SLC12A7: variants seen among roughly 807,000 people sequenced by gnomAD.
SLC12A7 encodes K-Cl cotransporter 4.
SLC12A7 carries 100 observed loss-of-function variants against 120.6 expected under a neutral mutation model. The ratio of observed to expected loss-of-function variants is 0.83; its 90% CI spans 0.71 to 0.98. The LOEUF (loss-of-function observed/expected upper bound fraction) is 0.98. Among genes scored for constraint, SLC12A7 ranks in the 50% least tolerant of loss-of-function variants. The pLI is 0.00. For missense variants in SLC12A7, 1,373 were observed against 1,548.1 expected (o/e 0.89, Z 1.90); for synonymous variants, 760 against 678.0 (o/e 1.12, Z -1.88).
At chr5:1,153,227 C>T in the SLC12A7 span, among the ~76,000 whole-genome samples, 2 of 108,432 alleles carry the variant, frequency 1.8e-5, no homozygotes, top group African/African-American at 3.2e-5. Context: ...AGTCCCTGGG[C>T]GGTCCAGCCC....
rs1738375795 is a variant in SLC12A7 at position 1,076,621 on chromosome 5, A to G, written c.1748+73T>C. On this transcript the variant is annotated intron_variant, in intron 13 of 23. Coordinates refer to ENST00000264930, the MANE Select transcript of SLC12A7 (RefSeq NM_006598.3). Reference sequence around the variant, plus strand: ...CTGTCTACTGCTTGTCCTGAGCAGGACCTCCCATCCACACTGCCCCACGCT... The same window carrying G: ...CTGTCTACTGCTTGTCCTGAGCAGGGCCTCCCATCCACACTGCCCCACGCT... The G allele has an allele frequency of 2.4e-5, 27 of 1,104,016 alleles. No homozygotes were observed. In the South Asian group the frequency reaches 3.4e-4, roughly 14 times the overall value. The allele number at this position is 1,104,016 out of a possible 1,614,324, so 68.4% of individuals were successfully genotyped here.
At chr5:1,120,351 A>G in the SLC12A7 span, among the ~76,000 whole-genome samples, 1 of 152,238 alleles carries the variant, frequency 6.6e-6, no homozygotes, top group Non-Finnish European at 1.5e-5. Flanking sequence ...CGGCTTACAG[A>G]CCAGCAAGGA....
intron 3 of SLC12A7, 110 bp from the exon 4 acceptor site, chr5:1,089,238 A>AG: frequency 1.7e-6 from 2 of 1,180,472 alleles, no homozygotes; most frequent in Non-Finnish European, 1.2e-6. Context: ...TGGGGGCAGG[A>AG]GGGGGCAGGA....
At chr5:1,126,816 A>C in the SLC12A7 span, among the ~76,000 whole-genome samples, 23 of 152,248 alleles carry the variant, frequency 1.5e-4, no homozygotes, top group African/African-American at 5.5e-4. Context: ...ACCGTGCTTA[A>C]GGGACGAGTC....
At chr5:1,131,496 C>T in the SLC12A7 span, among the ~76,000 whole-genome samples, 9 of 152,342 alleles carry the variant, frequency 5.9e-5, no homozygotes, top group East Asian at 5.8e-4. Flanking sequence ...AAGCAGGCAC[C>T]GGCCCTGGTG....
At chr5:1,126,926 G>C in the SLC12A7 span, among the ~76,000 whole-genome samples, 1 of 152,182 alleles carries the variant, frequency 6.6e-6, no homozygotes, top group South Asian at 2.1e-4. Context: ...ACCTGTGAAT[G>C]TCCTGACTGG....
At chr5:1,153,068 T>G in the SLC12A7 span, among the ~76,000 whole-genome samples, 1 of 152,206 alleles carries the variant, frequency 6.6e-6, no homozygotes, top group South Asian at 2.1e-4. Context: ...CGACACAAAA[T>G]CATTCAGCTG....
chr5:1,123,720 G>C, the SLC12A7 span, among the ~76,000 whole-genome samples: 3 of 152,258 alleles, frequency 2.0e-5, no homozygotes, highest in Non-Finnish European at 4.4e-5. Flanking sequence ...AGCCGGGATC[G>C]GGGCCTCCAT....
chr5:1,112,871 T>C (rs1280929758), upstream of SLC12A7, among the ~76,000 whole-genome samples: 74 of 112,000 alleles, frequency 6.6e-4, no homozygotes, highest in Middle Eastern at 5.5e-3. Context: ...GTAGAGGGAG[T>C]CCCCCCCCCC....
At chr5:1,054,624 TG>T (rs372418428) in intron 22 of SLC12A7, among the ~76,000 whole-genome samples, 1,994 of 152,248 alleles carry the variant, frequency 0.013, 41 homozygotes, top group African/African-American at 0.045. Context: ...TGTGGCCCCC[TG>T]GGGGAGGTCA....
chr5:1,116,351 C>T (rs1743320882), upstream of SLC12A7, among the ~76,000 whole-genome samples: 1 of 152,210 alleles, frequency 6.6e-6, no homozygotes, highest in Admixed American at 6.5e-5. Context: ...GCTGGGGAGC[C>T]TGTCTGCACA....
At chr5:1,055,218 G>A (rs114058082) in intron 22 of SLC12A7, among the ~76,000 whole-genome samples, 2,830 of 152,262 alleles carry the variant, frequency 0.019, 110 homozygotes, top group African/African-American at 0.065. Context: ...ACACTATCAT[G>A]TACAAACAGG....
intron 21 of SLC12A7, among the ~76,000 whole-genome samples, chr5:1,058,433 T>G (rs1238351485): frequency 2.0e-5 from 3 of 152,210 alleles, no homozygotes; most frequent in Non-Finnish European, 4.4e-5. Flanking sequence ...GTGGTATTTA[T>G]GCACACACTG....
Position 1,050,768 on chromosome 5 carries a change from G to A in SLC12A7, c.*1592C>T. ...AACTCATGCTTAGCCAAGGCAGGCAGAGGCTGTGGGAACTGCTGAGCCCCG... is the reference window on the plus strand; with the variant it reads ...AACTCATGCTTAGCCAAGGCAGGCAAAGGCTGTGGGAACTGCTGAGCCCCG... On this transcript the variant is annotated 3_prime_UTR_variant, in exon 24 of 24. Transcript: ENST00000264930. 1 of 398,268 alleles carries A rather than the reference G, an allele frequency of 2.5e-6. No homozygotes were observed. Among genetic ancestry groups the A allele is most frequent in the Non-Finnish European group, 4.4e-6 (1 of 225,972 alleles). The allele number at this position is 398,268 out of a possible 1,614,324, so 24.7% of individuals were successfully genotyped here.
At chr5:1,121,407 C>T in the SLC12A7 span, among the ~76,000 whole-genome samples, 1 of 152,214 alleles carries the variant, frequency 6.6e-6, no homozygotes, top group Non-Finnish European at 1.5e-5. Flanking sequence ...GCAGGGCCGA[C>T]ATCAGCGCCC....
At chr5:1,150,533 C>A in the SLC12A7 span, among the ~76,000 whole-genome samples, 2 of 152,246 alleles carry the variant, frequency 1.3e-5, no homozygotes, top group African/African-American at 4.8e-5. Flanking sequence ...CTGGTGTATA[C>A]ATGGAGCTGG....
chr5:1,110,889 C>A (rs1286353125), intron 1 of SLC12A7, among the ~76,000 whole-genome samples: 1 of 152,208 alleles, frequency 6.6e-6, no homozygotes, highest in Non-Finnish European at 1.5e-5. Context: ...ACCCGTGTCT[C>A]CGGGTTCCTA....
chr5:1,097,032 C>T (rs557323394), intron 1 of SLC12A7, among the ~76,000 whole-genome samples: 34 of 152,254 alleles, frequency 2.2e-4, no homozygotes, highest in African/African-American at 7.2e-4. Context: ...TTCTCTTCCC[C>T]GCAGGAAGGG....
At chr5:1,058,193 C>T (rs1465772434) in intron 21 of SLC12A7, among the ~76,000 whole-genome samples, 1 of 152,242 alleles carries the variant, frequency 6.6e-6, no homozygotes, top group Non-Finnish European at 1.5e-5. Flanking sequence ...CTGTGCGTCA[C>T]TTCTGACAAT....
Sources: gnomAD v4.1 joint callset for allele counts (sites outside exome capture counted in the v4.1 genomes callset) on GRCh38, gnomAD v4.1.1 for gene constraint, MANE v1.5 for transcripts, NCBI Gene and HGNC (gene_info 2026-07-23, HGNC 2026-07-21) for gene names.